Variants in SPECC1L observed in about 807,000 individuals in gnomAD.
SPECC1L encodes sperm antigen with calponin homology and coiled-coil domains 1 like.
SPECC1L carries 40 observed loss-of-function variants against 116.8 expected under a neutral mutation model. That is an observed-to-expected ratio of 0.34 (90% CI 0.27 to 0.45). The LOEUF (loss-of-function observed/expected upper bound fraction) is 0.45. Among genes scored for constraint, SPECC1L ranks in the 20% least tolerant of loss-of-function variants. SPECC1L has a pLI of 1.00. For missense variants in SPECC1L, 1,110 were observed against 1,373.6 expected, an observed-to-expected ratio of 0.81 and a Z score of 3.03; for synonymous variants, 504 against 500.6, an observed-to-expected ratio of 1.01 and a Z score of -0.09.
At chr22:24,369,120 T>G in intron 13 of SPECC1L, 98 bp from the exon 14 acceptor site, 2 of 824,016 alleles carry the variant, frequency 2.4e-6, no homozygotes, top group Non-Finnish European at 2.1e-6. Context: ...TGCCTTACCA[T>G]GTATATTTCC....
At position 24,369,298 on chromosome 22, in the gene SPECC1L, AG is replaced by A. The variant is rs1377131949; in HGVS notation, c.3066del (p.Lys1023ArgfsTer41). 6.2e-7 allele frequency: 1 copy of A among 1,613,472 alleles called. No homozygotes were observed. On this transcript the variant is annotated frameshift_variant, in exon 14 of 17. Transcript: ENST00000314328. LOFTEE classifies it high-confidence loss of function. ...AGGAACGCCTTGCTGAAGTGGTGTC[AG>A]AAGAAAACAGAAGGCTATCAGGTAA... ...SKRNALLKWC[Q>X]KKTEGYQNID...
chr22:24,280,838 C>T (rs565127086), intron 2 of SPECC1L, among the ~76,000 whole-genome samples: 13 of 152,316 alleles, frequency 8.5e-5, no homozygotes, highest in Non-Finnish European at 1.8e-4. Flanking sequence ...CCACCCTACT[C>T]GGCCACCGAA....
At chr22:24,332,056 G>A (rs779158322) in intron 8 of SPECC1L, among the ~76,000 whole-genome samples, 3 of 152,076 alleles carry the variant, frequency 2.0e-5, no homozygotes, top group South Asian at 2.1e-4. Flanking sequence ...CTTTTTTCAT[G>A]GAATGCCATT....
intron 14 of SPECC1L, among the ~76,000 whole-genome samples, chr22:24,374,516 G>A (rs977749388): frequency 1.7e-4 from 25 of 149,866 alleles, no homozygotes; most frequent in African/African-American, 4.4e-4. Context: ...GCAAACTATC[G>A]CAAGGACAAA....
rs182576288 is a variant in SPECC1L, at chr22:24,382,062, T to C, written c.3087+12742T>C. 5.0e-3 allele frequency among the ~76,000 whole-genome samples: 764 copies of C among 152,290 alleles called. 6 individuals carry two copies. Among genetic ancestry groups the C allele is most frequent in the Non-Finnish European group, 7.4e-3 (504 of 68,028 alleles). The stretch of plus-strand genomic sequence containing the variant: ...AACTCAGTAAAGTAAAATTTTTGTT[T>C]ATGGTTATAAAAGAATATCAGACCA... On this transcript the variant is annotated intron_variant, in intron 14 of 16. Coordinates refer to ENST00000314328, the MANE Select transcript of SPECC1L (RefSeq NM_015330.6).
chr22:24,312,161 C>T (rs1038428620), intron 3 of SPECC1L, among the ~76,000 whole-genome samples: 5 of 152,088 alleles, frequency 3.3e-5, no homozygotes, highest in African/African-American at 7.2e-5. Context: ...TTTGTAGAAA[C>T]GGAATCTCCC....
chr22:24,383,143 A>G (rs2042093107), intron 14 of SPECC1L, among the ~76,000 whole-genome samples: 1 of 152,220 alleles, frequency 6.6e-6, no homozygotes, highest in Non-Finnish European at 1.5e-5. Context: ...CCTACAAATA[A>G]AGGTTGACCA....
At chr22:24,315,136 G>A (rs1001850601) in intron 4 of SPECC1L, among the ~76,000 whole-genome samples, 1 of 152,214 alleles carries the variant, frequency 6.6e-6, no homozygotes, top group African/African-American at 2.4e-5. Flanking sequence ...CGTAATTTAG[G>A]CTCTTAGCCC....
chr22:24,271,121 C>G (rs372640985), intron 1 of SPECC1L, 138 bp downstream of exon 1: 2 of 152,674 alleles, frequency 1.3e-5, no homozygotes, highest in African/African-American at 4.8e-5. Flanking sequence ...CTCCTGGGCC[C>G]CTCCAGTGTG....
At chr22:24,300,275 C>T (rs1361656987) in intron 2 of SPECC1L, among the ~76,000 whole-genome samples, 1 of 152,186 alleles carries the variant, frequency 6.6e-6, no homozygotes, top group Non-Finnish European at 1.5e-5. Flanking sequence ...TGATGGCTTC[C>T]AGCTTCATCC....
chr22:24,272,827 C>T (rs541598317), intron 1 of SPECC1L, among the ~76,000 whole-genome samples: 1 of 151,480 alleles, frequency 6.6e-6, no homozygotes, highest in Non-Finnish European at 1.5e-5. Context: ...ACACCTTTTC[C>T]CCTTTGATTT....
chr22:24,275,867 C>G (rs1448383291), intron 1 of SPECC1L, among the ~76,000 whole-genome samples: 5 of 152,142 alleles, frequency 3.3e-5, no homozygotes, highest in African/African-American at 7.2e-5. Flanking sequence ...CACCAGCACA[C>G]CTGGCTAATT....
At chr22:24,335,775 T>C (rs1174109766) in intron 9 of SPECC1L, among the ~76,000 whole-genome samples, 1 of 152,168 alleles carries the variant, frequency 6.6e-6, no homozygotes, top group East Asian at 1.9e-4. Flanking sequence ...GCCGTATTCA[T>C]AGACTCTGAA....
At chr22:24,304,911 T>C (rs1251970928) in intron 3 of SPECC1L, among the ~76,000 whole-genome samples, 1 of 152,246 alleles carries the variant, frequency 6.6e-6, no homozygotes, top group Non-Finnish European at 1.5e-5. Context: ...TATTTCATTA[T>C]TTGTGTCCGG....
In SPECC1L at chr22:24,383,751, CTT is replaced by C. The variant is rs1276143958; in HGVS notation, c.3087+14432_3087+14433del. On this transcript the variant is annotated intron_variant, in intron 14 of 16. Transcript: ENST00000314328. ...TCCCAGGTTCAAGTGATGCTCCTGC[CTT>C]AACCTGTTGAGTAGCTGGGATTACA... is the stretch of plus-strand genomic sequence containing the variant. 2.9e-4 allele frequency among the ~76,000 whole-genome samples: 42 copies of C among 145,948 alleles called. No individual in the cohort carries two copies. The South Asian group carries it at 4.4e-3, about 15-fold the overall frequency.
intron 2 of SPECC1L, among the ~76,000 whole-genome samples, chr22:24,282,003 G>C (rs991335339): frequency 2.6e-4 from 39 of 152,214 alleles, no homozygotes; most frequent in African/African-American, 9.4e-4. Flanking sequence ...AGTTTTTAAG[G>C]ACAGCTTGGT....
In SPECC1L at chr22:24,369,328, T is replaced by C; in HGVS notation, c.3087+8T>C. ...AAAACAGAAGGCTATCAGGTAATCA[T>C]ATGATTCTTTTGTCCCATGTGAGTA... On this transcript the variant is annotated splice_region_variant and intron_variant, in intron 14 of 16. Coordinates refer to ENST00000314328, the MANE Select transcript of SPECC1L (RefSeq NM_015330.6). 3 of 1,604,402 alleles carry C rather than the reference T, an allele frequency of 1.9e-6. No individual in the cohort carries two copies. The highest frequency in any genetic ancestry group is 2.2e-5 in the East Asian group (1 of 44,824).
At chr22:24,317,992 C>G (rs1330275280) in intron 4 of SPECC1L, among the ~76,000 whole-genome samples, 1 of 151,250 alleles carries the variant, frequency 6.6e-6, no homozygotes, top group Non-Finnish European at 1.5e-5. Flanking sequence ...CTCCTCACTT[C>G]CTAGATGGGA....
rs540156759 is a variant in SPECC1L at position 24,282,800 on chromosome 22, C to T, written c.-38+5997C>T. ...TGAATTTTTTTTTTTTTTTTTAAGA[C>T]GGGGTCGCACCCTGTCACCCAGGCT... is the stretch of plus-strand genomic sequence containing the variant. On this transcript the variant is annotated intron_variant, in intron 2 of 16. Coordinates refer to ENST00000314328, the MANE Select transcript of SPECC1L (RefSeq NM_015330.6). Among the ~76,000 whole-genome samples the T allele has an allele frequency of 8.4e-4, 122 of 145,104 alleles. 1 individual carries two copies. Among genetic ancestry groups the T allele is most frequent in the African/African-American group, 2.9e-3 (116 of 39,434 alleles).
Sources: gnomAD v4.1 joint callset for allele counts (sites outside exome capture counted in the v4.1 genomes callset) on GRCh38, gnomAD v4.1.1 for gene constraint, MANE v1.5 for transcripts, NCBI Gene and HGNC (gene_info 2026-07-23, HGNC 2026-07-21) for gene names.